Variants in MTDH observed in about 807,000 individuals in gnomAD.
MTDH encodes protein LYRIC.
Under a neutral mutation model 72.7 loss-of-function variants are expected in MTDH, and 34 were observed. The ratio of observed to expected loss-of-function variants is 0.47; its 90% CI spans 0.36 to 0.62. MTDH has a LOEUF of 0.62. Ranked by LOEUF, MTDH falls within the 20% of genes least tolerant of loss-of-function variation. MTDH has a pLI of 0.00. For missense variants in MTDH, 677 were observed against 699.4 expected (o/e 0.97, Z 0.36); for synonymous variants, 266 against 268.9 (o/e 0.99, Z 0.10).
At chr8:97,722,544 G>C (rs1815171882) in intron 10 of MTDH, among the ~76,000 whole-genome samples, 1 of 152,226 alleles carries the variant, frequency 6.6e-6, no homozygotes, top group Non-Finnish European at 1.5e-5. Flanking sequence ...GGAGGTTGCA[G>C]TGAGCCAAGA....
intron 10 of MTDH, among the ~76,000 whole-genome samples, chr8:97,722,413 AACACAGTG>A (rs1815165795): frequency 6.6e-6 from 1 of 152,146 alleles, no homozygotes; most frequent in South Asian, 2.1e-4. Flanking sequence ...CATCCTGGCT[AACACAGTG>A]AAACCTTGTC....
rs963628652 is a variant in MTDH at position 97,644,787 on chromosome 8, C to A, written c.281C>A (p.Ala94Asp). The change falls in exon 1 of 12, where the codon GCC becomes GAC. Residue 94 changes from alanine (A) to aspartate (D), a missense_variant. By Grantham distance (126) the Ala-to-Asp change is moderately radical. This residue lies in a region of MTDH where 467 missense variants were observed against 469.1 expected (regional missense o/e 1.00). Transcript: ENST00000336273. ...CCCCGCAAGCGGGAGGAGGCGGCGG[C>A]CGTGCCGGCCGCGGCCCCCGACGAC... ...SPPRKREEAA[A>D]VPAAAPDDLA... The A allele has an allele frequency of 3.2e-6, 5 of 1,547,414 alleles. No individual in the cohort carries two copies. In the African/African-American group the frequency reaches 7.3e-5, roughly 23 times the overall value.
intron 8 of MTDH, among the ~76,000 whole-genome samples, chr8:97,711,098 A>C (rs184686508): frequency 6.6e-6 from 1 of 152,296 alleles, no homozygotes; most frequent in East Asian, 1.9e-4. Context: ...TGATAGGTAT[A>C]TTTTTGTCCT....
chr8:97,717,529 C>G (rs887920579), intron 9 of MTDH, among the ~76,000 whole-genome samples: 8 of 152,104 alleles, frequency 5.3e-5, no homozygotes, highest in Non-Finnish European at 8.8e-5. Flanking sequence ...CTTTCACTTT[C>G]CAAAGAGCTA....
chr8:97,709,740 T>C (rs1814543630), intron 8 of MTDH, among the ~76,000 whole-genome samples: 1 of 152,224 alleles, frequency 6.6e-6, no homozygotes, highest in Non-Finnish European at 1.5e-5. Context: ...ACACAGAAGT[T>C]GTTCACAATT....
intron 2 of MTDH, among the ~76,000 whole-genome samples, chr8:97,666,973 A>G (rs1223848255): frequency 1.3e-5 from 2 of 152,046 alleles, no homozygotes; most frequent in African/African-American, 2.4e-5. Flanking sequence ...CTGGGATTAT[A>G]GGTGAGATCC....
chr8:97,654,534 T>C (rs968393565), intron 1 of MTDH, among the ~76,000 whole-genome samples: 5 of 152,146 alleles, frequency 3.3e-5, no homozygotes, highest in African/African-American at 1.2e-4. Flanking sequence ...CTTCTGAATT[T>C]CCTAATTTCT....
At chr8:97,721,144 A>G (rs1815105601) in intron 10 of MTDH, among the ~76,000 whole-genome samples, 1 of 152,158 alleles carries the variant, frequency 6.6e-6, no homozygotes, top group Non-Finnish European at 1.5e-5. Flanking sequence ...ACTAGGCAAC[A>G]TAAATACAAC....
chr8:97,665,041 C>T (rs1047594424), intron 2 of MTDH, among the ~76,000 whole-genome samples: 4 of 152,166 alleles, frequency 2.6e-5, no homozygotes, highest in East Asian at 1.9e-4. Context: ...GGATTACAGG[C>T]GTGAGCCAGT....
chr8:97,681,968 A>G (rs543217666), intron 2 of MTDH, among the ~76,000 whole-genome samples: 58 of 151,870 alleles, frequency 3.8e-4, no homozygotes, highest in African/African-American at 1.4e-3. Flanking sequence ...AGAGAAGACC[A>G]GTTTAATTAT....
At chr8:97,722,494 C>T (rs913528524) in intron 10 of MTDH, among the ~76,000 whole-genome samples, 1 of 152,016 alleles carries the variant, frequency 6.6e-6, no homozygotes, top group African/African-American at 2.4e-5. Context: ...CCCAGCTACT[C>T]AGGAGGCTGA....
At chr8:97,724,060 G>C (rs1815258208) in intron 11 of MTDH, among the ~76,000 whole-genome samples, 1 of 152,140 alleles carries the variant, frequency 6.6e-6, no homozygotes, top group Non-Finnish European at 1.5e-5. Flanking sequence ...AGTGAGCCAA[G>C]ATTGCGCCAT....
At chr8:97,710,210 T>A (rs945271233) in intron 8 of MTDH, among the ~76,000 whole-genome samples, 4 of 150,704 alleles carry the variant, frequency 2.7e-5, no homozygotes, top group Admixed American at 2.6e-4. Flanking sequence ...CTGTAAACTG[T>A]CTGGTAGTTC....
Position 97,644,335 on chromosome 8 carries a change from C to T in MTDH, c.-172C>T, listed in dbSNP as rs900069505. 3.5e-6 allele frequency: 3 copies of T among 846,660 alleles called. No homozygotes were observed. The highest frequency in any genetic ancestry group is 3.2e-5 in the East Asian group (1 of 31,594). 52.4% of individuals were successfully genotyped at this position (846,660 alleles called of 1,614,324 possible). Reference sequence around the variant, plus strand: ...CTGACAGCGGGGAACCTGGGAGACCCCTCCGCCCTCCCCGCGGTGGCAGCG... The same window carrying T: ...CTGACAGCGGGGAACCTGGGAGACCTCTCCGCCCTCCCCGCGGTGGCAGCG... On this transcript the variant is annotated 5_prime_UTR_variant, in exon 1 of 12. Coordinates refer to ENST00000336273, the MANE Select transcript of MTDH (RefSeq NM_178812.4).
intron 1 of MTDH, among the ~76,000 whole-genome samples, chr8:97,646,460 G>T (rs555413319): frequency 6.6e-6 from 1 of 151,236 alleles, no homozygotes; most frequent in African/African-American, 2.5e-5. Context: ...CTTGCTCCAA[G>T]GTAAGGAAAG....
chr8:97,668,839 GCCA>G (rs780446640), intron 2 of MTDH, among the ~76,000 whole-genome samples: 3 of 152,130 alleles, frequency 2.0e-5, no homozygotes, highest in Admixed American at 6.5e-5. Context: ...ACAGGCATGA[GCCA>G]CCGCGCCCGG....
chr8:97,677,004 C>CTAAAAAAA (rs1812874751), intron 2 of MTDH, among the ~76,000 whole-genome samples: 1 of 23,318 alleles, frequency 4.3e-5, no homozygotes, highest in Non-Finnish European at 7.0e-5. Context: ...GACTCTATCT[C>CTAAAAAAA]AAAAAAAAAA....
At chr8:97,663,522 G>T (rs1054432521) in intron 2 of MTDH, among the ~76,000 whole-genome samples, 2 of 152,062 alleles carry the variant, frequency 1.3e-5, no homozygotes, top group African/African-American at 4.8e-5. Flanking sequence ...GCCGAGGCGG[G>T]CAGATCACGA....
chr8:97,703,345 G>A (rs903855103), intron 7 of MTDH, among the ~76,000 whole-genome samples: 8 of 152,102 alleles, frequency 5.3e-5, no homozygotes, highest in African/African-American at 1.7e-4. Context: ...GCAATAGAGC[G>A]AGACCCTGTC....
Sources: allele counts gnomAD v4.1 joint callset (sites outside exome capture counted in the v4.1 genomes callset), GRCh38; gene constraint gnomAD v4.1.1; regional missense constraint gnomAD v4.1.1; transcripts MANE v1.5; gene names NCBI Gene and HGNC (gene_info 2026-07-23, HGNC 2026-07-21).